Variants in TAF4 observed in about 807,000 individuals in gnomAD.
The protein encoded by TAF4 is transcription initiation factor TFIID subunit 4.
A neutral mutation model predicts 90.3 loss-of-function variants in TAF4; 9 were observed. The observed-to-expected ratio is 0.10, with a 90% CI of 0.06 to 0.17. TAF4 has a LOEUF of 0.17. Among genes scored for constraint, TAF4 ranks in the 10% least tolerant of loss-of-function variants. The pLI, the probability that TAF4 is intolerant of heterozygous loss-of-function variation, is 1.00. For missense variants in TAF4, 1,351 were observed against 1,370.7 expected, an observed-to-expected ratio of 0.99 and a Z score of 0.23; for synonymous variants, 818 against 638.9, an observed-to-expected ratio of 1.28 and a Z score of -4.23.
At chr20:61,982,497 A>AC (rs2055555104) in intron 14 of TAF4, among the ~76,000 whole-genome samples, 2 of 119,076 alleles carry the variant, frequency 1.7e-5, no homozygotes, top group Non-Finnish European at 3.4e-5. Context: ...CAAAACCCAC[A>AC]CCCACCTGAG....
intron 1 of TAF4, among the ~76,000 whole-genome samples, chr20:62,030,588 A>C (rs1434596990): frequency 6.6e-6 from 1 of 152,222 alleles, no homozygotes; most frequent in Non-Finnish European, 1.5e-5. Flanking sequence ...ACGCACTCGC[A>C]GGATGGGCTG....
rs140053073 is a variant in TAF4, at chr20:62,003,839, G to C, written c.2263C>G (p.Pro755Ala). 5.0e-6 allele frequency: 8 copies of C among 1,597,104 alleles called. No homozygotes were observed. The African/African-American group carries it at 9.4e-5, about 19-fold the overall frequency. ...QPPKPGALIR[P>A]PQVTLTQTPM... Reference sequence around the variant, plus strand: ...GTCTGCGTCAACGTCACCTGCGGGGGCCGGATCAGGGCTCCTGGCTTCGGA... The same window carrying C: ...GTCTGCGTCAACGTCACCTGCGGGGCCCGGATCAGGGCTCCTGGCTTCGGA... Residue 755 changes from proline to alanine, a missense_variant, in exon 8 of 15, where the codon CCC becomes GCC. By Grantham distance (27) the Pro-to-Ala change is conservative. Around this residue, in one of 9 missense-constraint regions of TAF4, gnomAD observed 202 missense variants for 229.7 expected, o/e 0.88. Transcript: ENST00000252996.
intron 1 of TAF4, among the ~76,000 whole-genome samples, chr20:62,042,261 C>G (rs1007366178): frequency 6.6e-6 from 1 of 152,160 alleles, no homozygotes; most frequent in South Asian, 2.1e-4. Flanking sequence ...AGGAGGAGAT[C>G]GGCTGCGGGA....
intron 1 of TAF4, among the ~76,000 whole-genome samples, chr20:62,049,782 C>T (rs1162636449): frequency 6.6e-6 from 1 of 152,150 alleles, no homozygotes; most frequent in African/African-American, 2.4e-5. Flanking sequence ...CCCCAGGCCC[C>T]ACCAGTCACG....
At chr20:61,990,907 G>C (rs1286204639) in intron 14 of TAF4, among the ~76,000 whole-genome samples, 1 of 152,142 alleles carries the variant, frequency 6.6e-6, no homozygotes, top group Non-Finnish European at 1.5e-5. Context: ...TTACAAGTTC[G>C]AGAAACCTAA....
intron 14 of TAF4, among the ~76,000 whole-genome samples, chr20:61,989,122 G>A (rs185483568): frequency 9.9e-5 from 15 of 152,232 alleles, no homozygotes; most frequent in Admixed American, 2.0e-4. Flanking sequence ...GGCAAGGACC[G>A]TAGTCTCAAC....
chr20:61,975,133 A>G lies in TAF4; in HGVS notation c.*1035T>C, dbSNP rs1390591786. 1.3e-5 allele frequency: 2 copies of G among 152,458 alleles called. No homozygotes were observed. Among genetic ancestry groups the G allele is most frequent in the African/African-American group, 4.8e-5 (2 of 41,470 alleles). 9.4% of individuals were successfully genotyped at this position (152,458 alleles called of 1,614,324 possible). ...ATTTCATACAATAACCTCTGAAAAT[A>G]GAAAGAACCAATTAGTATATTTGTA... On this transcript the variant is annotated 3_prime_UTR_variant, in exon 15 of 15. Coordinates refer to ENST00000252996, the MANE Select transcript of TAF4 (RefSeq NM_003185.4).
chr20:61,976,919 C>G (rs2055498203), intron 14 of TAF4, among the ~76,000 whole-genome samples: 1 of 152,220 alleles, frequency 6.6e-6, no homozygotes, highest in Admixed American at 6.5e-5. Context: ...GACCAGGTGT[C>G]TCCCGAGCTG....
intron 1 of TAF4, among the ~76,000 whole-genome samples, chr20:62,035,566 G>T (rs576952935): frequency 1.5e-5 from 2 of 132,774 alleles, no homozygotes; most frequent in South Asian, 4.7e-4. Context: ...CATGCCAGGA[G>T]GATTACATAC....
At chr20:62,051,137 G>A (rs1249980588) in intron 1 of TAF4, among the ~76,000 whole-genome samples, 1 of 152,204 alleles carries the variant, frequency 6.6e-6, no homozygotes, top group Non-Finnish European at 1.5e-5. Context: ...CAAGTGGAAG[G>A]CAGGGTGCAG....
chr20:62,026,068 G>A (rs7509143), intron 1 of TAF4, among the ~76,000 whole-genome samples: 8 of 151,990 alleles, frequency 5.3e-5, no homozygotes, highest in Admixed American at 2.6e-4. Flanking sequence ...CAACCCTCCC[G>A]GCAAAAAATA....
Position 62,000,846 on chromosome 20 carries a change from C to G in TAF4, c.2487-125G>C. Reference sequence around the variant, plus strand: ...CGTGAGGAGGCCAGGCCTCTGTCCTCCCCGCACCTGCACCTGCTGCATCTG... The same window carrying G: ...CGTGAGGAGGCCAGGCCTCTGTCCTGCCCGCACCTGCACCTGCTGCATCTG... On this transcript the variant is annotated intron_variant, in intron 9 of 14. Coordinates refer to ENST00000252996, the MANE Select transcript of TAF4 (RefSeq NM_003185.4). 3 of 964,980 alleles carry G rather than the reference C, an allele frequency of 3.1e-6. No individual in the cohort carries two copies. In the South Asian group the frequency reaches 4.8e-5, roughly 15 times the overall value. The allele number at this position is 964,980 out of a possible 1,614,324, so 59.8% of individuals were successfully genotyped here.
At chr20:61,992,080 T>C (rs950348019) in intron 14 of TAF4, among the ~76,000 whole-genome samples, 4 of 152,120 alleles carry the variant, frequency 2.6e-5, no homozygotes. Context: ...GCTGCTCCCA[T>C]GAAGCGTTCC....
Position 62,065,339 on chromosome 20 carries a change from C to T in TAF4, c.472G>A (p.Ala158Thr). The change falls in exon 1 of 15, where the codon GCC becomes ACC. Residue 158 changes from alanine to threonine, a missense_variant. Physicochemically the swap from Ala to Thr is moderately conservative, Grantham distance 58. Coordinates refer to ENST00000252996, the MANE Select transcript of TAF4 (RefSeq NM_003185.4). ...AGPEPAPAGP[A>T]KPAGPAALAA... ...AGCGCGGCGGGGCCGGCGGGCTTGGCGGGGCCGGCGGGGGCGGGCTCGGGC... is the reference window on the plus strand; with the variant it reads ...AGCGCGGCGGGGCCGGCGGGCTTGGTGGGGCCGGCGGGGGCGGGCTCGGGC... 1 of 945,918 alleles carries T rather than the reference C, an allele frequency of 1.1e-6. No homozygotes were observed. The highest frequency in any genetic ancestry group is 1.2e-6 in the Non-Finnish European group (1 of 808,092). The allele number at this position is 945,918 out of a possible 1,614,324, so 58.6% of individuals were successfully genotyped here. A position where few individuals can be genotyped will look rare whatever the true frequency, so the allele number is the denominator to read the frequency against.
intron 1 of TAF4, among the ~76,000 whole-genome samples, chr20:62,018,639 G>A (rs971651659): frequency 3.9e-5 from 6 of 152,302 alleles, no homozygotes; most frequent in Admixed American, 2.0e-4. Flanking sequence ...AGAGAGCCAC[G>A]TGGGACACTG....
intron 14 of TAF4, among the ~76,000 whole-genome samples, chr20:61,979,804 G>A (rs952456557): frequency 2.0e-5 from 3 of 148,138 alleles, no homozygotes; most frequent in South Asian, 2.1e-4. Flanking sequence ...ATGTGCAGGC[G>A]CCGTGGCCAC....
intron 1 of TAF4, among the ~76,000 whole-genome samples, chr20:62,016,584 C>T (rs186579235): frequency 2.6e-5 from 4 of 152,318 alleles, no homozygotes; most frequent in African/African-American, 9.6e-5. Context: ...AGGCCTTTGG[C>T]CACAGACTGA....
At chr20:62,012,729 A>C in intron 3 of TAF4, 86 bp downstream of exon 3, 1 of 1,354,218 alleles carries the variant, frequency 7.4e-7, no homozygotes, top group Non-Finnish European at 9.5e-7. Flanking sequence ...AAAAAAAAAA[A>C]AACTCCTAAG....
chr20:62,042,353 C>G (rs984338428), intron 1 of TAF4, among the ~76,000 whole-genome samples: 1 of 152,238 alleles, frequency 6.6e-6, no homozygotes, highest in Non-Finnish European at 1.5e-5. Context: ...ACCTCCATCA[C>G]TCAATAAAAT....
Sources: allele counts gnomAD v4.1 joint callset (sites outside exome capture counted in the v4.1 genomes callset), GRCh38; gene constraint gnomAD v4.1.1; regional missense constraint gnomAD v4.1.1; transcripts MANE v1.5; gene names NCBI Gene and HGNC (gene_info 2026-07-23, HGNC 2026-07-21).